Variants in CPNE4 observed in about 807,000 individuals in gnomAD.
CPNE4 encodes the protein copine-4.
Under a neutral mutation model 67.9 loss-of-function variants are expected in CPNE4, and 25 were observed. That is an observed-to-expected ratio of 0.37 (90% CI 0.27 to 0.51). CPNE4 has a LOEUF of 0.51. CPNE4 is among the 20% of genes least tolerant of loss of function. The pLI, the probability that CPNE4 is intolerant of heterozygous loss-of-function variation, is 0.93. For synonymous variants in CPNE4, 242 were observed against 244.9 expected (o/e 0.99, Z 0.11); for missense variants, 464 against 690.8 (o/e 0.67, Z 3.68).
intron 2 of CPNE4, among the ~76,000 whole-genome samples, chr3:131,880,516 G>T (rs1377407358): frequency 6.6e-6 from 1 of 152,176 alleles, no homozygotes; most frequent in Non-Finnish European, 1.5e-5. Context: ...ACAATGAAGT[G>T]GGAGCTGAAG....
chr3:131,946,125 C>T (rs916121953), intron 1 of CPNE4, among the ~76,000 whole-genome samples: 3 of 152,186 alleles, frequency 2.0e-5, no homozygotes, highest in Non-Finnish European at 2.9e-5. Context: ...AGTTCCAAAG[C>T]ATTTCCATCA....
At chr3:131,791,001 T>G (rs58604858) in intron 2 of CPNE4, among the ~76,000 whole-genome samples, 6,859 of 152,280 alleles carry the variant, frequency 0.045, 227 homozygotes, top group African/African-American at 0.095. Context: ...GATTGAGTTT[T>G]CATTACAATT....
At chr3:131,947,575 T>G (rs1233536122) in intron 1 of CPNE4, among the ~76,000 whole-genome samples, 1 of 152,238 alleles carries the variant, frequency 6.6e-6, no homozygotes. Flanking sequence ...CTCATTATTT[T>G]TTATGGCTGC....
intron 1 of CPNE4, among the ~76,000 whole-genome samples, chr3:131,925,797 G>T (rs2070877684): frequency 6.6e-6 from 1 of 152,092 alleles, no homozygotes; most frequent in Non-Finnish European, 1.5e-5. Flanking sequence ...AGCCTCCCCA[G>T]GGCTACACAT....
intron 2 of CPNE4, among the ~76,000 whole-genome samples, chr3:131,744,445 C>T (rs190160558): frequency 2.0e-5 from 3 of 152,022 alleles, no homozygotes; most frequent in Non-Finnish European, 4.4e-5. Flanking sequence ...CCCCTTGTAC[C>T]CTTTATTCAG....
At chr3:131,606,089 C>T (rs576960185) in intron 7 of CPNE4, among the ~76,000 whole-genome samples, 11 of 152,188 alleles carry the variant, frequency 7.2e-5, no homozygotes, top group South Asian at 2.1e-4. Flanking sequence ...TCCGTTGGAT[C>T]CCTGAGGAGG....
intron 1 of CPNE4, among the ~76,000 whole-genome samples, chr3:132,003,871 G>C (rs765736902): frequency 6.6e-6 from 1 of 152,114 alleles, no homozygotes; most frequent in Non-Finnish European, 1.5e-5. Flanking sequence ...TGGAAGCTGA[G>C]ATGCTGAAAC....
chr3:131,550,222 A>C, intron 13 of CPNE4, 142 bp from the exon 14 acceptor site: 1 of 820,396 alleles, frequency 1.2e-6, no homozygotes. Flanking sequence ...AAAAAGGAAT[A>C]CCACATTGCT....
chr3:131,592,828 A>T (rs567859912), intron 7 of CPNE4, among the ~76,000 whole-genome samples: 6,549 of 152,194 alleles, frequency 0.043, 424 homozygotes, highest in African/African-American at 0.14. Context: ...GAACCTGCTC[A>T]CTGTTTCCAC....
rs561400920 is a variant in CPNE4 at position 131,791,631 on chromosome 3, A to C, written c.181-68006T>G. Among the ~76,000 whole-genome samples the C allele has an allele frequency of 3.8e-3, 573 of 152,270 alleles. 3 individuals carry two copies. Among genetic ancestry groups the C allele is most frequent in the Non-Finnish European group, 6.8e-3 (463 of 68,008 alleles). On this transcript the variant is annotated intron_variant, in intron 2 of 15. Transcript: ENST00000429747. ...AGAAGTATGAGTTCTTAGGCAGTTCAATTTTAGGAAACAGTACAGATGGAA... is the reference window on the plus strand; with the variant it reads ...AGAAGTATGAGTTCTTAGGCAGTTCCATTTTAGGAAACAGTACAGATGGAA...
chr3:131,923,704 C>CAAAAAAAAAA (rs3041574), intron 1 of CPNE4, among the ~76,000 whole-genome samples: 15 of 39,294 alleles, frequency 3.8e-4, no homozygotes, highest in East Asian at 1.1e-3. Context: ...GACTCCGTCT[C>CAAAAAAAAAA]AAAAAAAAAA....
chr3:131,537,441 G>A, intron 15 of CPNE4: 1 of 160,262 alleles, frequency 6.2e-6, no homozygotes, highest in Non-Finnish European at 1.4e-5. Flanking sequence ...CCACCACCGT[G>A]CCCAGCTAAT....
chr3:131,544,917 C>T (rs1249281111), intron 14 of CPNE4, among the ~76,000 whole-genome samples: 1 of 152,212 alleles, frequency 6.6e-6, no homozygotes, highest in Admixed American at 6.5e-5. Context: ...GTGGATGAAT[C>T]TCCCCTACCT....
chr3:131,667,780 T>C (rs902775761), intron 7 of CPNE4, among the ~76,000 whole-genome samples: 1 of 152,176 alleles, frequency 6.6e-6, no homozygotes, highest in African/African-American at 2.4e-5. Flanking sequence ...GTTCCTTTTC[T>C]GCATTTTTAT....
chr3:131,713,657 T>C (rs1158157087), intron 3 of CPNE4, among the ~76,000 whole-genome samples: 1 of 152,092 alleles, frequency 6.6e-6, no homozygotes, highest in African/African-American at 2.4e-5. Flanking sequence ...TGATGGCAGA[T>C]CAAGACATAG....
At chr3:131,703,054 T>C (rs1374730131) in intron 3 of CPNE4, among the ~76,000 whole-genome samples, 1 of 152,144 alleles carries the variant, frequency 6.6e-6, no homozygotes. Context: ...CTCAGGACAG[T>C]TGGGCAAAAA....
chr3:131,643,151 G>T (rs567365234), intron 7 of CPNE4, among the ~76,000 whole-genome samples: 4 of 152,222 alleles, frequency 2.6e-5, no homozygotes, highest in Non-Finnish European at 5.9e-5. Context: ...TGAGGAACTT[G>T]TTGGGAACTG....
intron 5 of CPNE4, among the ~76,000 whole-genome samples, chr3:131,687,113 C>T (rs1025468225): frequency 3.0e-4 from 45 of 148,806 alleles, no homozygotes; most frequent in Admixed American, 5.3e-4. Context: ...CTTGGCCCCT[C>T]AAATCTACAC....
chr3:131,548,760 A>G (rs1936012856), intron 14 of CPNE4, among the ~76,000 whole-genome samples: 1 of 152,176 alleles, frequency 6.6e-6, no homozygotes, highest in Non-Finnish European at 1.5e-5. Flanking sequence ...TAGATCCTAT[A>G]ATGTCTTCTA....
Sources: allele counts gnomAD v4.1 joint callset (sites outside exome capture counted in the v4.1 genomes callset), GRCh38; gene constraint gnomAD v4.1.1; transcripts MANE v1.5; gene names NCBI Gene and HGNC (gene_info 2026-07-23, HGNC 2026-07-21).